ZNF532: variants seen among roughly 807,000 people sequenced by gnomAD.
ZNF532 encodes zinc finger protein 532.
A neutral mutation model predicts 89.3 loss-of-function variants in ZNF532; 22 were observed. The observed-to-expected ratio is 0.25, with a 90% CI of 0.18 to 0.35. The LOEUF (loss-of-function observed/expected upper bound fraction) is 0.35. Among genes scored for constraint, ZNF532 ranks in the 10% least tolerant of loss-of-function variants. The pLI is 1.00. For synonymous variants in ZNF532, 606 were observed against 649.6 expected, an observed-to-expected ratio of 0.93 and a Z score of 1.02; for missense variants, 1,132 against 1,643.4, an observed-to-expected ratio of 0.69 and a Z score of 5.38.
At chr18:58,980,532 C>T (rs924351695) in intron 8 of ZNF532, 2 of 152,186 alleles carry the variant, frequency 1.3e-5, no homozygotes, top group Non-Finnish European at 2.9e-5. Context: ...TGAATTCCTC[C>T]GAAGCTATTT....
At chr18:58,932,900 A>G (rs192079404) in intron 3 of ZNF532, among the ~76,000 whole-genome samples, 91 of 151,560 alleles carry the variant, frequency 6.0e-4, no homozygotes, top group Admixed American at 2.0e-4. Context: ...GTGTGTGTGT[A>G]TATATATATA....
intron 5 of ZNF532, among the ~76,000 whole-genome samples, chr18:58,945,919 C>T (rs938604463): frequency 6.6e-6 from 1 of 151,874 alleles, no homozygotes; most frequent in Admixed American, 6.6e-5. Context: ...TTAGTAGAGA[C>T]GGGGTTTGAC....
At chr18:58,942,000 C>CTTCT (rs1568380330) in intron 5 of ZNF532, among the ~76,000 whole-genome samples, 7 of 140,270 alleles carry the variant, frequency 5.0e-5, no homozygotes, top group Non-Finnish European at 9.3e-5. Context: ...CCCTTCCTTC[C>CTTCT]TTCCTTCTTT....
intron 2 of ZNF532, among the ~76,000 whole-genome samples, chr18:58,869,553 A>G (rs148483335): frequency 6.6e-6 from 1 of 152,354 alleles, no homozygotes; most frequent in East Asian, 1.9e-4. Context: ...ACCACAGATC[A>G]TTGTTGAAAT....
chr18:58,877,231 C>A (rs1023365890), intron 2 of ZNF532, among the ~76,000 whole-genome samples: 3 of 152,114 alleles, frequency 2.0e-5, no homozygotes, highest in Non-Finnish European at 2.9e-5. Context: ...AGAAGAGCCA[C>A]TTCATGTAGC....
intron 7 of ZNF532, among the ~76,000 whole-genome samples, chr18:58,973,594 A>T (rs1382917047): frequency 2.0e-5 from 3 of 152,340 alleles, no homozygotes; most frequent in East Asian, 3.9e-4. Flanking sequence ...TCTGGAAAAC[A>T]GTTAGACAGT....
rs367934703 is a variant in ZNF532 at position 58,919,477 on chromosome 18, C to A, written c.1190C>A (p.Ala397Glu). The change falls in exon 3 of 10, where the codon GCG becomes GAG. Residue 397 changes from alanine (A) to glutamate (E), a missense_variant. Around this residue, in one of 9 missense-constraint regions of ZNF532, gnomAD observed 124 missense variants for 191.6 expected, o/e 0.65. Coordinates refer to ENST00000591808, the MANE Select transcript of ZNF532 (RefSeq NM_001375912.1). This position sits in a 1 kb window ranked among gnomAD's most constrained non-coding sequence, Gnocchi z 6.1. ...DSGKKPSEQT[A>E]SVMASVTSLL... ...GGAAAGAAACCTTCCGAGCAGACAG[C>A]GTCCGTGATGGCCTCTGTGACATCC... is the stretch of plus-strand genomic sequence containing the variant. 4 of 1,614,216 alleles carry A rather than the reference C, an allele frequency of 2.5e-6. No individual in the cohort carries two copies. The highest frequency in any genetic ancestry group is 3.4e-6 in the Non-Finnish European group (4 of 1,180,046).
chr18:58,981,636 T>G lies in ZNF532; in HGVS notation c.3411+19T>G, dbSNP rs746178531. 1 of 1,613,696 alleles carries G rather than the reference T, an allele frequency of 6.2e-7. No homozygotes were observed. Among genetic ancestry groups the G allele is most frequent in the Non-Finnish European group, 8.5e-7 (1 of 1,179,784 alleles). Reference sequence around the variant, plus strand: ...CACTAAGGTCTAACATTGCAGATGTTTGCTTTACAGTGAAATTGTGTTGAC... The same window carrying G: ...CACTAAGGTCTAACATTGCAGATGTGTGCTTTACAGTGAAATTGTGTTGAC... On this transcript the variant is annotated intron_variant, in intron 9 of 9. Transcript: ENST00000591808.
chr18:58,962,182 C>T (rs945458148), intron 7 of ZNF532, among the ~76,000 whole-genome samples: 7 of 151,558 alleles, frequency 4.6e-5, no homozygotes, highest in African/African-American at 7.3e-5. Context: ...GCCGAGATTA[C>T]GCCACTGCGC....
chr18:58,948,574 T>C (rs2063868202), intron 6 of ZNF532, among the ~76,000 whole-genome samples: 1 of 150,200 alleles, frequency 6.7e-6, no homozygotes, highest in Non-Finnish European at 1.5e-5. Flanking sequence ...TTTTTTTTTT[T>C]TTTTTCTTTT....
intron 2 of ZNF532, among the ~76,000 whole-genome samples, chr18:58,899,840 C>A (rs747736196): frequency 2.0e-5 from 3 of 152,072 alleles, no homozygotes; most frequent in Non-Finnish European, 4.4e-5. Context: ...TCTCTTCTAT[C>A]GTCTGTCTTT....
rs2068247363 is a variant in ZNF532 at position 58,984,918 on chromosome 18, A to T, written c.*452A>T. On this transcript the variant is annotated 3_prime_UTR_variant, in exon 10 of 10. Coordinates refer to ENST00000591808, the MANE Select transcript of ZNF532 (RefSeq NM_001375912.1). The stretch of plus-strand genomic sequence containing the variant: ...TTTTAATTTTTAGAATTCACTACAT[A>T]AATTGTAAGTAATTGTGGGTCTCAA... The T allele has an allele frequency of 6.2e-6, 1 of 161,188 alleles. No individual in the cohort carries two copies. The highest frequency in any genetic ancestry group is 2.4e-5 in the African/African-American group (1 of 41,482). 10.0% of individuals were successfully genotyped at this position (161,188 alleles called of 1,614,324 possible). A position where few individuals can be genotyped will look rare whatever the true frequency, so the allele number is the denominator to read the frequency against.
intron 2 of ZNF532, among the ~76,000 whole-genome samples, chr18:58,879,300 CAATT>C (rs1387014171): frequency 2.3e-4 from 35 of 152,308 alleles, no homozygotes; most frequent in South Asian, 8.3e-4. Context: ...ATTGGCAAAA[CAATT>C]AATTAAATGA....
chr18:58,896,829 A>G (rs1453630829), intron 2 of ZNF532, among the ~76,000 whole-genome samples: 1 of 152,202 alleles, frequency 6.6e-6, no homozygotes, highest in African/African-American at 2.4e-5. Context: ...GGGGATTTAG[A>G]CAGGAGGAAG....
intron 2 of ZNF532, among the ~76,000 whole-genome samples, chr18:58,911,713 T>C (rs774430467): frequency 6.6e-6 from 1 of 152,168 alleles, no homozygotes; most frequent in South Asian, 2.1e-4. Context: ...GCAGCCCTTG[T>C]CTCTTGGCAG....
chr18:58,941,395 C>T (rs992441123), intron 5 of ZNF532, among the ~76,000 whole-genome samples: 5 of 151,474 alleles, frequency 3.3e-5, no homozygotes, highest in South Asian at 2.1e-4. Flanking sequence ...TTAAAATAGG[C>T]TAAAACAGTT....
At chr18:58,944,358 C>T (rs2063474302) in intron 5 of ZNF532, among the ~76,000 whole-genome samples, 1 of 151,584 alleles carries the variant, frequency 6.6e-6, no homozygotes, top group African/African-American at 2.4e-5. Flanking sequence ...CCCTCTCCTC[C>T]TCTCTCTCTT....
At position 58,981,786 on chromosome 18, in the gene ZNF532, C is replaced by T. The variant is rs145637439; in HGVS notation, c.3411+169C>T. Among the ~76,000 whole-genome samples the T allele has an allele frequency of 7.6e-3, 1,151 of 152,124 alleles. 8 individuals are homozygous for T. The highest frequency in any genetic ancestry group is 0.023 in the African/African-American group (938 of 41,486). ...TTGGGAGGCCGAGGCGGGTAAATCA[C>T]GAGTTCAGGAGTTCAAGACCAGCCT... On this transcript the variant is annotated intron_variant, in intron 9 of 9. Transcript: ENST00000591808.
intron 7 of ZNF532, chr18:58,977,812 C>T (rs1412571146): frequency 6.6e-6 from 1 of 152,198 alleles, no homozygotes; most frequent in African/African-American, 2.4e-5. Flanking sequence ...GACACCGCTG[C>T]ACTCCAGCCT....
Sources: allele counts gnomAD v4.1 joint callset (sites outside exome capture counted in the v4.1 genomes callset), GRCh38; gene constraint gnomAD v4.1.1; regional missense constraint gnomAD v4.1.1; non-coding constraint Gnocchi (gnomAD v3.1); transcripts MANE v1.5; gene names NCBI Gene and HGNC (gene_info 2026-07-23, HGNC 2026-07-21).